C12orf42: variants seen among roughly 807,000 people sequenced by gnomAD.
The protein encoded by C12orf42 is uncharacterized protein C12orf42.
A neutral mutation model predicts 21.6 loss-of-function variants in C12orf42; 25 were observed. That is an observed-to-expected ratio of 1.16 (90% CI 0.84 to 1.62). The LOEUF (loss-of-function observed/expected upper bound fraction) is 1.62. C12orf42 is among the 40% of genes most tolerant of loss of function. The pLI, the probability that C12orf42 is intolerant of heterozygous loss-of-function variation, is 0.00. For synonymous variants in C12orf42, 174 were observed against 175.0 expected (o/e 0.99, Z 0.05); for missense variants, 483 against 459.3 (o/e 1.05, Z -0.47).
the C12orf42 span, among the ~76,000 whole-genome samples, chr12:103,147,621 C>CTTTT: frequency 4.4e-5 from 3 of 67,924 alleles, no homozygotes; most frequent in Non-Finnish European, 7.5e-5. Context: ...TCTTCTCTCT[C>CTTTT]TCTTTTTTTT....
chr12:103,284,322 T>C (rs143187599), intron 4 of C12orf42, among the ~76,000 whole-genome samples: 58 of 152,250 alleles, frequency 3.8e-4, no homozygotes, highest in African/African-American at 1.1e-3. Context: ...TTGGGACAAA[T>C]TGTTGGGGAA....
At chr12:103,347,132 T>C (rs971033443) in intron 4 of C12orf42, among the ~76,000 whole-genome samples, 7 of 152,180 alleles carry the variant, frequency 4.6e-5, no homozygotes, top group Admixed American at 1.3e-4. Context: ...TAGGTATACA[T>C]GTGCCATGGT....
At chr12:103,345,057 A>G in intron 4 of C12orf42, among the ~76,000 whole-genome samples, 1 of 152,188 alleles carries the variant, frequency 6.6e-6, no homozygotes, top group East Asian at 1.9e-4. Context: ...TCTGATCTTT[A>G]TAAGCACTGT....
At chr12:103,553,565 T>C in the C12orf42 span, among the ~76,000 whole-genome samples, 1 of 152,132 alleles carries the variant, frequency 6.6e-6, no homozygotes, top group East Asian at 1.9e-4. Context: ...AAAAAAACAA[T>C]TTCATTAGTG....
chr12:103,219,648 A>G, the C12orf42 span, among the ~76,000 whole-genome samples: 1 of 152,250 alleles, frequency 6.6e-6, no homozygotes, highest in Non-Finnish European at 1.5e-5. Context: ...TGGCCAACAA[A>G]CATATGAAAA....
intron 4 of C12orf42, among the ~76,000 whole-genome samples, chr12:103,344,361 T>C (rs934443371): frequency 1.3e-5 from 2 of 152,194 alleles, no homozygotes; most frequent in Non-Finnish European, 2.9e-5. Flanking sequence ...AACCCCTCCA[T>C]GCAGAATTAT....
the C12orf42 span, among the ~76,000 whole-genome samples, chr12:103,158,906 G>C: frequency 6.6e-6 from 1 of 150,502 alleles, no homozygotes; most frequent in Admixed American, 6.6e-5. Context: ...TGATAGTCTA[G>C]ATATCCTAAA....
At chr12:103,174,033 G>A in the C12orf42 span, among the ~76,000 whole-genome samples, 88 of 152,276 alleles carry the variant, frequency 5.8e-4, no homozygotes, top group Non-Finnish European at 4.3e-4. Flanking sequence ...CTTACAGATC[G>A]CTGCTCATTT....
intron 3 of C12orf42, among the ~76,000 whole-genome samples, chr12:103,398,642 C>T (rs1248471004): frequency 6.6e-6 from 1 of 151,966 alleles, no homozygotes; most frequent in Non-Finnish European, 1.5e-5. Flanking sequence ...TTTTCTTAAA[C>T]CTGCCCAAAG....
At chr12:103,364,755 A>C (rs1202652180) in intron 4 of C12orf42, among the ~76,000 whole-genome samples, 1 of 152,028 alleles carries the variant, frequency 6.6e-6, no homozygotes, top group Non-Finnish European at 1.5e-5. Context: ...CATTCCTAGA[A>C]ATACACAACC....
the C12orf42 span, among the ~76,000 whole-genome samples, chr12:103,144,686 T>C: frequency 4.7e-4 from 71 of 152,272 alleles, no homozygotes; most frequent in African/African-American, 1.3e-3. Context: ...ATAATCTTGA[T>C]GGGGGGAGGA....
intron 4 of C12orf42, among the ~76,000 whole-genome samples, chr12:103,325,440 A>G (rs1174824965): frequency 6.6e-6 from 1 of 152,202 alleles, no homozygotes; most frequent in African/African-American, 2.4e-5. Context: ...TCTCTCTCAC[A>G]TCATCAGCCT....
chr12:103,201,975 C>A, the C12orf42 span, among the ~76,000 whole-genome samples: 120 of 152,112 alleles, frequency 7.9e-4, no homozygotes, highest in African/African-American at 2.7e-3. Flanking sequence ...ATAACATTAC[C>A]ACATTTATTT....
chr12:103,137,385 G>A, the C12orf42 span, among the ~76,000 whole-genome samples: 3 of 150,508 alleles, frequency 2.0e-5, no homozygotes, highest in South Asian at 6.3e-4. Flanking sequence ...ACGCTGGCAA[G>A]GATGTCAGGA....
At chr12:103,213,214 C>G in the C12orf42 span, among the ~76,000 whole-genome samples, 2 of 152,146 alleles carry the variant, frequency 1.3e-5, no homozygotes. Flanking sequence ...ATCTCATCCT[C>G]TTAACAATAG....
intron 1 of C12orf42, among the ~76,000 whole-genome samples, chr12:103,480,566 G>T (rs10861023): frequency 0.81 from 123,322 of 151,534 alleles, 50,292 homozygotes; most frequent in Admixed American, 0.87. Flanking sequence ...ATTTAAATAA[G>T]TGTATTTTCT....
the C12orf42 span, among the ~76,000 whole-genome samples, chr12:103,086,374 GA>G: frequency 0.014 from 2,106 of 148,772 alleles, 19 homozygotes; most frequent in South Asian, 0.021. Context: ...GGTTTAAGAT[GA>G]AAAAAAAAGA....
At chr12:103,531,934 T>C in the C12orf42 span, among the ~76,000 whole-genome samples, 1 of 152,222 alleles carries the variant, frequency 6.6e-6, no homozygotes, top group African/African-American at 2.4e-5. Context: ...TGATCTTTGT[T>C]GGCTTTTTTC....
the C12orf42 span, among the ~76,000 whole-genome samples, chr12:103,563,248 C>T: frequency 2.6e-5 from 4 of 152,164 alleles, no homozygotes; most frequent in Non-Finnish European, 5.9e-5. Context: ...TCTGGTCTAG[C>T]CCAGGAATGT....
Sources: gnomAD v4.1 joint callset for allele counts (sites outside exome capture counted in the v4.1 genomes callset) on GRCh38, gnomAD v4.1.1 for gene constraint, MANE v1.5 for transcripts, NCBI Gene and HGNC (gene_info 2026-07-23, HGNC 2026-07-21) for gene names.